LRMDA: variants seen among roughly 807,000 people sequenced by gnomAD.
LRMDA encodes leucine-rich melanocyte differentiation-associated protein.
In LRMDA, 18 loss-of-function variants were observed where a neutral mutation model predicts 29.8. That is an observed-to-expected ratio of 0.60 (90% CI 0.42 to 0.90). The LOEUF is 0.90. Among genes scored for constraint, LRMDA ranks in the 40% least tolerant of loss-of-function variants. LRMDA has a pLI of 0.00. For synonymous variants in LRMDA, 125 were observed against 109.4 expected, an observed-to-expected ratio of 1.14 and a Z score of -0.89; for missense variants, 273 against 273.9, an observed-to-expected ratio of 1.00 and a Z score of 0.02.
chr10:76,391,176 G>A lies in LRMDA; in HGVS notation c.601+66691G>A, dbSNP rs535760086. 3.3e-5 allele frequency among the ~76,000 whole-genome samples: 5 copies of A among 152,240 alleles called. No individual in the cohort carries two copies. The South Asian group carries it at 1.0e-3, about 32-fold the overall frequency. On this transcript the variant is annotated intron_variant, in intron 6 of 6. Transcript: ENST00000611255. ...AATGTAGTCACATTCCCAGATTTTAGGAAGCCAGGAATCCAGGAAGGAGTC... is the reference window on the plus strand; with the variant it reads ...AATGTAGTCACATTCCCAGATTTTAAGAAGCCAGGAATCCAGGAAGGAGTC...
intron 5 of LRMDA, among the ~76,000 whole-genome samples, chr10:76,067,439 A>G (rs1200264785): frequency 1.3e-5 from 2 of 152,284 alleles, no homozygotes; most frequent in Non-Finnish European, 1.5e-5. Flanking sequence ...ATTAAGTTTG[A>G]AAGGAAAGAG....
intron 2 of LRMDA, among the ~76,000 whole-genome samples, chr10:75,744,070 A>G (rs1842863024): frequency 6.6e-6 from 1 of 152,198 alleles, no homozygotes; most frequent in Non-Finnish European, 1.5e-5. Context: ...GAATTGTGAA[A>G]CATTGGCTGT....
intron 6 of LRMDA, among the ~76,000 whole-genome samples, chr10:76,537,390 A>G (rs1843302607): frequency 1.3e-5 from 2 of 152,188 alleles, no homozygotes; most frequent in South Asian, 4.1e-4. Flanking sequence ...TTGCAGAGCT[A>G]TTGTCACCTT....
intron 2 of LRMDA, among the ~76,000 whole-genome samples, chr10:75,543,308 C>G (rs1840042335): frequency 6.6e-6 from 1 of 152,206 alleles, no homozygotes; most frequent in Non-Finnish European, 1.5e-5. Flanking sequence ...TAAAATAACT[C>G]TATTCTATTA....
In LRMDA at chr10:76,175,511, A is replaced by T. The variant is rs117662246; in HGVS notation, c.516+116728A>T. On this transcript the variant is annotated intron_variant, in intron 5 of 6. Transcript: ENST00000611255. ...TTCTCTGGCCACTGGTGTGGTCATT[A>T]CTGTTGTTAACAGGCCAGATAAGGG... Among the ~76,000 whole-genome samples, 13 of 152,258 alleles carry T rather than the reference A, an allele frequency of 8.5e-5. No homozygotes were observed. In the East Asian group the frequency reaches 1.9e-3, roughly 23 times the overall value.
intron 6 of LRMDA, among the ~76,000 whole-genome samples, chr10:76,543,204 T>G (rs1843378019): frequency 6.6e-6 from 1 of 152,110 alleles, no homozygotes; most frequent in Non-Finnish European, 1.5e-5. Context: ...TGTTCACCAG[T>G]CCAGTGGTGT....
intron 2 of LRMDA, among the ~76,000 whole-genome samples, chr10:75,619,912 A>G (rs1011037668): frequency 2.0e-5 from 3 of 152,188 alleles, no homozygotes; most frequent in Non-Finnish European, 4.4e-5. Context: ...AGGGCCTAGC[A>G]CAGTGCATTC....
intron 2 of LRMDA, among the ~76,000 whole-genome samples, chr10:75,670,243 T>C (rs993981199): frequency 6.6e-6 from 1 of 152,228 alleles, no homozygotes; most frequent in African/African-American, 2.4e-5. Flanking sequence ...AATGAATAAC[T>C]TGCAATGTAT....
chr10:76,542,617 G>A (rs1269639480), intron 6 of LRMDA, among the ~76,000 whole-genome samples: 4 of 152,128 alleles, frequency 2.6e-5, no homozygotes, highest in Admixed American at 6.5e-5. Context: ...GTTTAATTGC[G>A]TTGTTAATTG....
At chr10:76,480,505 T>C (rs1183955572) in intron 6 of LRMDA, among the ~76,000 whole-genome samples, 2 of 151,932 alleles carry the variant, frequency 1.3e-5, no homozygotes, top group African/African-American at 2.4e-5. Flanking sequence ...GAGGTTAAGA[T>C]AGGTTTAATA....
chr10:75,585,526 G>A (rs1338602851), intron 2 of LRMDA, among the ~76,000 whole-genome samples: 1 of 152,168 alleles, frequency 6.6e-6, no homozygotes, highest in Non-Finnish European at 1.5e-5. Flanking sequence ...GGGTCATAAA[G>A]TATGTGCATG....
chr10:76,410,311 T>C (rs1262187646), intron 6 of LRMDA, among the ~76,000 whole-genome samples: 3 of 131,292 alleles, frequency 2.3e-5, no homozygotes, highest in African/African-American at 5.8e-5. Flanking sequence ...TTTTTTTTTT[T>C]TTTTTTTTTT....
chr10:76,386,652 G>A (rs1841663642), intron 6 of LRMDA, among the ~76,000 whole-genome samples: 2 of 152,016 alleles, frequency 1.3e-5, no homozygotes, highest in Admixed American at 6.6e-5. Flanking sequence ...TGTGAATAGG[G>A]CCAATGTCCT....
At chr10:75,965,740 G>T (rs1426831002) in intron 2 of LRMDA, among the ~76,000 whole-genome samples, 1 of 152,146 alleles carries the variant, frequency 6.6e-6, no homozygotes, top group Non-Finnish European at 1.5e-5. Flanking sequence ...TAAGTCTTTA[G>T]GTAACTTCAA....
chr10:76,143,599 G>T (rs1850250690), intron 5 of LRMDA, among the ~76,000 whole-genome samples: 1 of 152,058 alleles, frequency 6.6e-6, no homozygotes, highest in Non-Finnish European at 1.5e-5. Flanking sequence ...TTAGCCCTTT[G>T]TCAGATGAGT....
chr10:76,064,000 G>A (rs1190409103), intron 5 of LRMDA, among the ~76,000 whole-genome samples: 1 of 152,168 alleles, frequency 6.6e-6, no homozygotes, highest in African/African-American at 2.4e-5. Context: ...GTCTATAGCA[G>A]AGGCTCAGTC....
At chr10:76,440,029 C>T (rs930566098) in intron 6 of LRMDA, among the ~76,000 whole-genome samples, 1 of 152,212 alleles carries the variant, frequency 6.6e-6, no homozygotes, top group Non-Finnish European at 1.5e-5. Context: ...TCACCTCACT[C>T]TTGGTTGCAT....
At chr10:76,090,471 T>G (rs1849212910) in intron 5 of LRMDA, among the ~76,000 whole-genome samples, 1 of 152,142 alleles carries the variant, frequency 6.6e-6, no homozygotes, top group Non-Finnish European at 1.5e-5. Context: ...TGGTGGTTCC[T>G]CAAAAAAATT....
intron 2 of LRMDA, among the ~76,000 whole-genome samples, chr10:75,957,397 C>G (rs777016402): frequency 1.1e-4 from 17 of 152,192 alleles, no homozygotes; most frequent in Non-Finnish European, 1.8e-4. Flanking sequence ...TGAAGGGTGC[C>G]TTTAAGAAAT....
Sources: allele counts gnomAD v4.1 joint callset (sites outside exome capture counted in the v4.1 genomes callset), GRCh38; gene constraint gnomAD v4.1.1; transcripts MANE v1.5; gene names NCBI Gene and HGNC (gene_info 2026-07-23, HGNC 2026-07-21).